CSMD1: variants seen among roughly 807,000 people sequenced by gnomAD.
The protein encoded by CSMD1 is CUB and sushi domain-containing protein 1.
In CSMD1, 213 loss-of-function variants were observed where a neutral mutation model predicts 417.5. The observed-to-expected ratio is 0.51, with a 90% CI of 0.46 to 0.57. The LOEUF (loss-of-function observed/expected upper bound fraction) is 0.57, where lower values mean the gene tolerates loss of function less well. Ranked by LOEUF, CSMD1 falls within the 20% of genes least tolerant of loss-of-function variation. CSMD1 has a pLI of 0.00. For synonymous variants in CSMD1, 2,862 were observed against 1,736.8 expected, an observed-to-expected ratio of 1.65 and a Z score of -16.11; for missense variants, 6,923 against 4,529.7, an observed-to-expected ratio of 1.53 and a Z score of -15.17.
chr8:4,807,993 A>T (rs1459995618), intron 1 of CSMD1, among the ~76,000 whole-genome samples: 1 of 152,226 alleles, frequency 6.6e-6, no homozygotes, highest in East Asian at 1.9e-4. Flanking sequence ...ACAGTAAAAT[A>T]CAAATCTGTT....
chr8:3,972,480 C>T (rs1813155688), intron 5 of CSMD1, among the ~76,000 whole-genome samples: 1 of 152,142 alleles, frequency 6.6e-6, no homozygotes, highest in African/African-American at 2.4e-5. Context: ...ATTCCTTTCT[C>T]ATTGGAATGA....
At chr8:4,428,498 ATC>A (rs1010540346) in intron 2 of CSMD1, among the ~76,000 whole-genome samples, 6 of 152,178 alleles carry the variant, frequency 3.9e-5, no homozygotes, top group East Asian at 1.9e-4. Flanking sequence ...GCATATGTGT[ATC>A]TCTCTCTACA....
intron 1 of CSMD1, among the ~76,000 whole-genome samples, chr8:4,905,289 C>G (rs1304448613): frequency 6.6e-6 from 1 of 152,048 alleles, no homozygotes; most frequent in Non-Finnish European, 1.5e-5. Flanking sequence ...GTTTAGGGTG[C>G]CCAGAGTCTA....
At chr8:3,119,181 C>T (rs1033173369) in intron 41 of CSMD1, among the ~76,000 whole-genome samples, 7 of 150,984 alleles carry the variant, frequency 4.6e-5, no homozygotes, top group African/African-American at 1.7e-4. Context: ...CTCTGTCCCC[C>T]GCCCCAAAAA....
chr8:3,347,740 C>G (rs1808107943), intron 22 of CSMD1, among the ~76,000 whole-genome samples: 1 of 152,262 alleles, frequency 6.6e-6, no homozygotes, highest in African/African-American at 2.4e-5. Context: ...TGTTAAATAA[C>G]TTTCATAAGG....
chr8:3,858,081 G>C (rs1399594640), intron 5 of CSMD1, among the ~76,000 whole-genome samples: 1 of 152,206 alleles, frequency 6.6e-6, no homozygotes, highest in African/African-American at 2.4e-5. Context: ...AGCAATTTGT[G>C]ACTGTCCAAT....
At chr8:3,448,488 G>A (rs1585179867) in intron 12 of CSMD1, among the ~76,000 whole-genome samples, 3 of 115,522 alleles carry the variant, frequency 2.6e-5, no homozygotes, top group East Asian at 2.7e-4. Context: ...GTACAAAAAA[G>A]GTGACTTTTT....
intron 1 of CSMD1, among the ~76,000 whole-genome samples, chr8:4,962,188 CTTT>C (rs5889079): frequency 4.3e-5 from 6 of 140,588 alleles, no homozygotes; most frequent in African/African-American, 1.4e-4. Context: ...TAAATTTCTG[CTTT>C]TTTTTTAAAA....
chr8:3,870,272 G>T (rs34709534), intron 5 of CSMD1, among the ~76,000 whole-genome samples: 12,467 of 152,148 alleles, frequency 0.082, 581 homozygotes, highest in South Asian at 0.15. Context: ...CTGTGTAAAC[G>T]TGTTACATAC....
chr8:4,613,847 G>T (rs986524977), intron 2 of CSMD1, among the ~76,000 whole-genome samples: 1 of 138,272 alleles, frequency 7.2e-6, no homozygotes, highest in Non-Finnish European at 1.5e-5. Flanking sequence ...GAAAGCAGAA[G>T]GCTGTCTAAT....
Position 3,387,553 on chromosome 8 carries a change from T to G in CSMD1, c.2723A>C (p.Asp908Ala), listed in dbSNP as rs1482889936. Residue 908 changes from aspartate (D) to alanine (A), a missense_variant, in exon 18 of 70, where the codon GAC becomes GCC. By Grantham distance (126) the Asp-to-Ala change is moderately radical. Coordinates refer to ENST00000635120, the MANE Select transcript of CSMD1 (RefSeq NM_033225.6). Reference protein sequence around the residue: ...SCDPGYTLSDDEPLVCERNHQ... With the variant: ...SCDPGYTLSDAEPLVCERNHQ... ...GTTCCTCTCACAGACGAGGGGCTCGTCGTCACTTAGTGTGTACCCCGGGTC... is the reference window on the plus strand; with the variant it reads ...GTTCCTCTCACAGACGAGGGGCTCGGCGTCACTTAGTGTGTACCCCGGGTC... 3.7e-6 allele frequency: 6 copies of G among 1,601,956 alleles called. No individual in the cohort carries two copies. In the Admixed American group the frequency reaches 8.6e-5, roughly 23 times the overall value.
At chr8:4,856,831 C>A (rs1383195022) in intron 1 of CSMD1, among the ~76,000 whole-genome samples, 1 of 151,530 alleles carries the variant, frequency 6.6e-6, no homozygotes, top group Non-Finnish European at 1.5e-5. Context: ...ACTTTAACAC[C>A]CCACTGTCAA....
chr8:3,840,213 G>A (rs1563133975), intron 5 of CSMD1, among the ~76,000 whole-genome samples: 1 of 151,984 alleles, frequency 6.6e-6, no homozygotes, highest in Non-Finnish European at 1.5e-5. Context: ...GCTTCTGTAT[G>A]TTTGAACCTT....
At chr8:4,780,994 G>C (rs1032929236) in intron 1 of CSMD1, among the ~76,000 whole-genome samples, 1 of 152,168 alleles carries the variant, frequency 6.6e-6, no homozygotes, top group South Asian at 2.1e-4. Context: ...AAAGGTCAGT[G>C]TCTTACCTTA....
At chr8:4,903,605 G>A (rs1805043592) in intron 1 of CSMD1, among the ~76,000 whole-genome samples, 1 of 152,194 alleles carries the variant, frequency 6.6e-6, no homozygotes, top group Non-Finnish European at 1.5e-5. Context: ...CTTGTTACAT[G>A]ATAAAACATT....
intron 37 of CSMD1, among the ~76,000 whole-genome samples, chr8:3,178,473 CCTGGTAGGGTAGT>C (rs930817689): frequency 6.6e-6 from 1 of 151,992 alleles, no homozygotes; most frequent in African/African-American, 2.4e-5. Context: ...ACGTCACCTT[CCTGGTAGGGTAGT>C]CTGGATACCT....
At position 3,928,962 on chromosome 8, in the gene CSMD1, G is replaced by T. The variant is rs753108528; in HGVS notation, c.818+68941C>A. Reference sequence around the variant, plus strand: ...GCAATAAAATGAATGCTGTGGTTTTGTGTGCTAAAACAATTGGTTGTCATT... The same window carrying T: ...GCAATAAAATGAATGCTGTGGTTTTTTGTGCTAAAACAATTGGTTGTCATT... On this transcript the variant is annotated intron_variant, in intron 5 of 69. Coordinates refer to ENST00000635120, the MANE Select transcript of CSMD1 (RefSeq NM_033225.6). Among the ~76,000 whole-genome samples, 40 of 150,450 alleles carry T rather than the reference G, an allele frequency of 2.7e-4. 3 individuals carry two copies. The highest frequency in any genetic ancestry group is 3.4e-4 in the Non-Finnish European group (23 of 67,514).
At chr8:4,169,582 C>G (rs909222725) in intron 3 of CSMD1, among the ~76,000 whole-genome samples, 1 of 152,148 alleles carries the variant, frequency 6.6e-6, no homozygotes, top group Non-Finnish European at 1.5e-5. Context: ...CTTCTCAACA[C>G]AGGCATTAGA....
At chr8:3,416,490 C>G (rs906502626) in intron 12 of CSMD1, among the ~76,000 whole-genome samples, 1 of 151,990 alleles carries the variant, frequency 6.6e-6, no homozygotes. Context: ...AGAATGTATT[C>G]GGTGTATACT....
Sources: gnomAD v4.1 joint callset for allele counts (sites outside exome capture counted in the v4.1 genomes callset) on GRCh38, gnomAD v4.1.1 for gene constraint, MANE v1.5 for transcripts, NCBI Gene and HGNC (gene_info 2026-07-23, HGNC 2026-07-21) for gene names.